The following DSC2 variants were observed in gnomAD, a reference collection of about 807,000 sequenced individuals.
DSC2 encodes the protein desmocollin-2.
DSC2 carries 51 observed loss-of-function variants against 87.6 expected under a neutral mutation model. That is an observed-to-expected ratio of 0.58 (90% CI 0.46 to 0.74). The LOEUF (loss-of-function observed/expected upper bound fraction) is 0.74. Ranked by LOEUF, DSC2 falls within the 30% of genes least tolerant of loss-of-function variation. DSC2 has a pLI of 0.00. For synonymous variants in DSC2, 383 were observed against 393.2 expected, an observed-to-expected ratio of 0.97 and a Z score of 0.31; for missense variants, 1,066 against 1,089.5, an observed-to-expected ratio of 0.98 and a Z score of 0.30.
intron 6 of DSC2, 152 bp downstream of exon 6, chr18:31,087,517 A>G (rs2144832913): frequency 1.1e-6 from 1 of 925,530 alleles, no homozygotes; most frequent in South Asian, 1.5e-5. Context: ...TTTGCCAAGC[A>G]TCACACAGCT....
At position 31,082,391 on chromosome 18, in the gene DSC2, A is replaced by G. The variant is rs1567977994; in HGVS notation, c.1110T>C (p.Asp370=). The change falls in exon 9 of 16, where the codon GAT becomes GAC. Residue 370 remains aspartate (D), a synonymous_variant. Transcript: ENST00000280904. ...CAACAGTAACTCGTAAGATTTCCACATCAACTGTATTTTCTTCCACTGATG... is the reference window on the plus strand; with the variant it reads ...CAACAGTAACTCGTAAGATTTCCACGTCAACTGTATTTTCTTCCACTGATG... ...YVTSVEENTV[D]VEILRVTVED... 6 of 1,613,632 alleles carry G rather than the reference A, an allele frequency of 3.7e-6. No homozygotes were observed. Among genetic ancestry groups the G allele is most frequent in the East Asian group, 2.2e-5 (1 of 44,840 alleles).
intron 7 of DSC2, among the ~76,000 whole-genome samples, chr18:31,083,627 T>C (rs1054157692): frequency 6.6e-6 from 1 of 152,166 alleles, no homozygotes; most frequent in Non-Finnish European, 1.5e-5. Flanking sequence ...GCAAAAAATA[T>C]AGATTTTAAG....
At chr18:31,093,691 C>A in intron 1 of DSC2, 48 bp from the exon 2 acceptor site, 1 of 1,173,416 alleles carries the variant, frequency 8.5e-7, no homozygotes, top group East Asian at 3.2e-5. Context: ...AAAAAGAAAA[C>A]TTTAATGTGT....
chr18:31,067,932 C>T lies in DSC2; in HGVS notation c.*83G>A, dbSNP rs947209591. 15 of 1,311,006 alleles carry T rather than the reference C, an allele frequency of 1.1e-5. No homozygotes were observed. The highest frequency in any genetic ancestry group is 1.5e-5 in the Non-Finnish European group (14 of 924,850). 81.2% of individuals were successfully genotyped at this position (1,311,006 alleles called of 1,614,324 possible). A position where few individuals can be genotyped will look rare whatever the true frequency, so the allele number is the denominator to read the frequency against. On this transcript the variant is annotated 3_prime_UTR_variant, in exon 16 of 16. Coordinates refer to ENST00000280904, the MANE Select transcript of DSC2 (RefSeq NM_024422.6). ...AGAGAAAAACCCCCACAAATAGCAT[C>T]TTCTGCTTTAAAAAATTCTTGGTTT...
At chr18:31,096,252 T>C (rs540999824) in intron 1 of DSC2, among the ~76,000 whole-genome samples, 4 of 152,288 alleles carry the variant, frequency 2.6e-5, no homozygotes, top group Non-Finnish European at 5.9e-5. Context: ...ATAACATTTT[T>C]CAAACATCCT....
chr18:31,076,170 G>A (rs1316148931), intron 11 of DSC2, among the ~76,000 whole-genome samples: 1 of 152,140 alleles, frequency 6.6e-6, no homozygotes, highest in African/African-American at 2.4e-5. Flanking sequence ...GAAGATCTCC[G>A]AGCACATCCC....
At chr18:31,078,021 C>T (rs1368145629) in intron 11 of DSC2, among the ~76,000 whole-genome samples, 2 of 152,000 alleles carry the variant, frequency 1.3e-5, no homozygotes, top group Admixed American at 6.6e-5. Flanking sequence ...AATGTGTGGG[C>T]AAGTTTAGAC....
chr18:31,079,724 T>C (rs1987140085), intron 11 of DSC2, 123 bp downstream of exon 11: 2 of 1,108,000 alleles, frequency 1.8e-6, no homozygotes, highest in African/African-American at 1.6e-5. Context: ...TCTTACTTTA[T>C]ATTATCAAGA....
In DSC2 at chr18:31,071,730, G is replaced by T. The variant is rs1986839572; in HGVS notation, c.2000C>A (p.Thr667Lys). 1.2e-6 allele frequency: 2 copies of T among 1,613,836 alleles called. No individual in the cohort carries two copies. Among genetic ancestry groups the T allele is most frequent in the Non-Finnish European group, 1.7e-6 (2 of 1,179,958 alleles). Residue 667 changes from threonine to lysine, a missense_variant, in exon 13 of 16, where the codon ACA becomes AAA. Physicochemically the swap from Thr to Lys is moderately conservative, Grantham distance 78. Coordinates refer to ENST00000280904, the MANE Select transcript of DSC2 (RefSeq NM_024422.6). ...ATTTTCGGTAATGCAGTCACACAGT[G>T]TAACATCCAATGAAGTGACACTAGA... ...GMSSVTSLDVTLCDCITENDC... is the reference protein window; with the variant it reads ...GMSSVTSLDVKLCDCITENDC...
intron 13 of DSC2, 66 bp downstream of exon 13, chr18:31,071,539 C>T (rs1986826297): frequency 6.6e-7 from 1 of 1,505,406 alleles, no homozygotes; most frequent in South Asian, 1.1e-5. Flanking sequence ...TCTCAAAAAA[C>T]AAAAAGTGTC....
chr18:31,069,232 T>C, intron 14 of DSC2, 81 bp from the exon 15 acceptor site: 1 of 1,562,042 alleles, frequency 6.4e-7, no homozygotes, highest in Non-Finnish European at 8.7e-7. Context: ...AAGCGGATAA[T>C]GCCTTTTTTT....
chr18:31,084,676 T>TTTC (rs1987337246), intron 7 of DSC2, among the ~76,000 whole-genome samples: 1 of 151,992 alleles, frequency 6.6e-6, no homozygotes, highest in Admixed American at 6.6e-5. Context: ...TTTTTTTTTT[T>TTTC]TTCCATAGAA....
chr18:31,087,715 A>G lies in DSC2; in HGVS notation c.729T>C (p.Phe243=). 6.2e-7 allele frequency: 1 copy of G among 1,613,708 alleles called. No individual in the cohort carries two copies. Among genetic ancestry groups the G allele is most frequent in the Non-Finnish European group, 8.5e-7 (1 of 1,179,858 alleles). The change falls in exon 6 of 16, where the codon TTT becomes TTC. Residue 243 remains phenylalanine, a synonymous_variant. Transcript: ENST00000280904. ...TTGTAAAAGTATAAGTTTCTTCTGT[A>G]AAAATTGGGTAGTTATCATTTTCAT... ...IEDENDNYPI[F]TEETYTFTIF...
In DSC2 at chr18:31,102,044, G is replaced by A. The variant is rs979050742; in HGVS notation, c.-73C>T. The A allele has an allele frequency of 2.3e-6, 3 of 1,295,498 alleles. No individual in the cohort carries two copies. The highest frequency in any genetic ancestry group is 1.7e-5 in the South Asian group (1 of 57,696). The allele number at this position is 1,295,498 out of a possible 1,614,324, so 80.3% of individuals were successfully genotyped here. A position where few individuals can be genotyped will look rare whatever the true frequency, so the allele number is the denominator to read the frequency against. ...GAGGGCTCCGCGGGGCGAGGGCCGC[G>A]GCCGGAGCGCAGTCTGGGCCCGCTG... On this transcript the variant is annotated 5_prime_UTR_variant, in exon 1 of 16. Coordinates refer to ENST00000280904, the MANE Select transcript of DSC2 (RefSeq NM_024422.6).
At chr18:31,085,046 C>T (rs1010749044) in intron 7 of DSC2, among the ~76,000 whole-genome samples, 6 of 151,966 alleles carry the variant, frequency 3.9e-5, no homozygotes, top group African/African-American at 1.4e-4. Flanking sequence ...TAATAAAGTA[C>T]AAAAGGTCAT....
At chr18:31,082,868 A>G in intron 8 of DSC2, 58 bp downstream of exon 8, 1 of 1,585,826 alleles carries the variant, frequency 6.3e-7, no homozygotes, top group Non-Finnish European at 8.6e-7. Flanking sequence ...AGAGATGTGC[A>G]TATTAAACAA....
chr18:31,068,420 G>T, intron 15 of DSC2: 1 of 1,451,506 alleles, frequency 6.9e-7, no homozygotes, highest in Non-Finnish European at 9.7e-7. Flanking sequence ...GTTTCTAAAA[G>T]TCACGCATGT....
rs1240550259 is a variant in DSC2 at position 31,066,953 on chromosome 18, T to C, written c.*1062A>G. On this transcript the variant is annotated 3_prime_UTR_variant, in exon 16 of 16. Transcript: ENST00000280904. ...TAAATGTGTTGTCATACAGTAAATA[T>C]CCACATCCCAATTCTAATTACACCA... The C allele has an allele frequency of 6.6e-6, 1 of 152,078 alleles. No homozygotes were observed. Among genetic ancestry groups the C allele is most frequent in the African/African-American group, 2.4e-5 (1 of 41,446 alleles). The allele number at this position is 152,078 out of a possible 1,614,324, so 9.4% of individuals were successfully genotyped here. A position where few individuals can be genotyped will look rare whatever the true frequency, so the allele number is the denominator to read the frequency against.
chr18:31,069,799 C>G lies in DSC2; in HGVS notation c.2251-648G>C, dbSNP rs369723977. ...TACATCTCACACCTCAAAATAAACA[C>G]TGTTGTCTCACATATACTTACTCTG... On this transcript the variant is annotated intron_variant, in intron 14 of 15. Coordinates refer to ENST00000280904, the MANE Select transcript of DSC2 (RefSeq NM_024422.6). 4.6e-5 allele frequency among the ~76,000 whole-genome samples: 7 copies of G among 151,738 alleles called. No homozygotes were observed. The East Asian group carries it at 1.2e-3, about 25-fold the overall frequency.
Sources: allele counts gnomAD v4.1 joint callset (sites outside exome capture counted in the v4.1 genomes callset), GRCh38; gene constraint gnomAD v4.1.1; transcripts MANE v1.5; gene names NCBI Gene and HGNC (gene_info 2026-07-23, HGNC 2026-07-21).